GRIK4: variants seen among roughly 807,000 people sequenced by gnomAD.
GRIK4 encodes the protein glutamate ionotropic receptor kainate type subunit 4, also known as glutamate receptor ionotropic, kainate 4.
GRIK4 carries 40 observed loss-of-function variants against 104.9 expected under a neutral mutation model. The observed-to-expected ratio is 0.38, with a 90% confidence interval of 0.30 to 0.50. GRIK4 has a LOEUF of 0.50. GRIK4 is among the 20% of genes least tolerant of loss of function. GRIK4 has a pLI of 0.93. For missense variants in GRIK4, 1,047 were observed against 1,308.1 expected, an observed-to-expected ratio of 0.80 and a Z score of 3.08; for synonymous variants, 485 against 524.9, an observed-to-expected ratio of 0.92 and a Z score of 1.04.
chr11:120,529,046 C>T (rs1402271962), intron 1 of GRIK4, among the ~76,000 whole-genome samples: 1 of 152,202 alleles, frequency 6.6e-6, no homozygotes, highest in Non-Finnish European at 1.5e-5. Flanking sequence ...TCCACCTCCT[C>T]TCCTTCTCTT....
At chr11:120,836,516 G>C (rs1483155577) in intron 7 of GRIK4, among the ~76,000 whole-genome samples, 1 of 152,174 alleles carries the variant, frequency 6.6e-6, no homozygotes, top group African/African-American at 2.4e-5. Context: ...ATATCCATGG[G>C]AGTATGTTGT....
At chr11:120,954,046 G>T (rs1221349160) in intron 15 of GRIK4, among the ~76,000 whole-genome samples, 1 of 152,136 alleles carries the variant, frequency 6.6e-6, no homozygotes, top group Non-Finnish European at 1.5e-5. Context: ...GGTGGGTGGG[G>T]TCTTCCCCTA....
chr11:120,738,813 G>A (rs1264407062), intron 3 of GRIK4, among the ~76,000 whole-genome samples: 1 of 152,202 alleles, frequency 6.6e-6, no homozygotes, highest in East Asian at 1.9e-4. Context: ...TCTTGTTCGT[G>A]CCTTCCCTCT....
At position 120,986,227 on chromosome 11, in the gene GRIK4, G is replaced by A; in HGVS notation, c.2838G>A (p.Trp946Ter). ...SPARSEESLE[W>*]EKTTNSSEPE ...CCCGCAGCGAGGAGAGCCTGGAGTG[G>A]GAGAAAACCACCAACAGCAGCGAGC... Residue 946 changes from tryptophan (W) to a stop codon, truncating the protein, a stop_gained, in exon 21 of 21, where the codon TGG becomes TGA. Transcript: ENST00000527524. LOFTEE classifies it high-confidence loss of function. 6.4e-7 allele frequency: 1 copy of A among 1,573,140 alleles called. No homozygotes were observed. The highest frequency in any genetic ancestry group is 8.6e-7 in the Non-Finnish European group (1 of 1,169,294).
intron 1 of GRIK4, among the ~76,000 whole-genome samples, chr11:120,562,510 A>AG (rs1485673872): frequency 6.6e-6 from 1 of 152,156 alleles, no homozygotes; most frequent in Non-Finnish European, 1.5e-5. Flanking sequence ...AACCAGAGGA[A>AG]GAAGGGGAGT....
intron 19 of GRIK4, among the ~76,000 whole-genome samples, chr11:120,973,125 C>T (rs601817): frequency 0.77 from 117,609 of 152,124 alleles, 45,652 homozygotes; most frequent in Admixed American, 0.81. Context: ...AAATTCTCTA[C>T]GTTTTTGGCC....
intron 14 of GRIK4, among the ~76,000 whole-genome samples, chr11:120,948,695 A>G (rs2134676043): frequency 6.6e-6 from 1 of 152,326 alleles, no homozygotes; most frequent in East Asian, 1.9e-4. Flanking sequence ...GTAAGAGAGA[A>G]AGTATAGTAT....
intron 7 of GRIK4, among the ~76,000 whole-genome samples, 176 bp downstream of exon 7, chr11:120,832,206 C>T (rs1953449259): frequency 6.6e-6 from 1 of 152,136 alleles, no homozygotes; most frequent in African/African-American, 2.4e-5. Context: ...AAGAAGAAAG[C>T]AGGGTGAGGG....
chr11:120,860,776 G>A (rs1050642255), intron 8 of GRIK4, among the ~76,000 whole-genome samples: 4 of 152,122 alleles, frequency 2.6e-5, no homozygotes, highest in African/African-American at 4.8e-5. Flanking sequence ...CACCCTACCC[G>A]CAAACCTTCA....
intron 1 of GRIK4, among the ~76,000 whole-genome samples, chr11:120,631,486 G>A (rs1021025804): frequency 2.6e-5 from 4 of 152,262 alleles, no homozygotes; most frequent in South Asian, 2.1e-4. Flanking sequence ...CCTCCGAGTC[G>A]ATGGGAGCCT....
intron 20 of GRIK4, among the ~76,000 whole-genome samples, chr11:120,983,606 C>T (rs1419630255): frequency 6.6e-6 from 1 of 152,122 alleles, no homozygotes; most frequent in Non-Finnish European, 1.5e-5. Context: ...TTCCTTTTGC[C>T]CACCCCTTAA....
chr11:120,518,898 A>G (rs1947762247), intron 1 of GRIK4, among the ~76,000 whole-genome samples: 1 of 152,224 alleles, frequency 6.6e-6, no homozygotes, highest in Non-Finnish European at 1.5e-5. Flanking sequence ...CATTATAGGC[A>G]TGAGCCACTG....
At chr11:120,932,338 G>A (rs919806061) in intron 13 of GRIK4, among the ~76,000 whole-genome samples, 5 of 152,240 alleles carry the variant, frequency 3.3e-5, no homozygotes, top group Admixed American at 2.0e-4. Flanking sequence ...CATTAGAGAG[G>A]AGGAAACAGG....
intron 3 of GRIK4, among the ~76,000 whole-genome samples, chr11:120,673,069 C>T (rs1950046346): frequency 1.3e-5 from 2 of 152,122 alleles, no homozygotes; most frequent in South Asian, 4.1e-4. Context: ...AGACCATCCT[C>T]TATCCCCTCC....
intron 3 of GRIK4, among the ~76,000 whole-genome samples, chr11:120,724,420 C>T (rs915323624): frequency 1.3e-5 from 2 of 152,184 alleles, no homozygotes; most frequent in Non-Finnish European, 2.9e-5. Context: ...TCCTGGTGAC[C>T]ATGAATAAGG....
At chr11:120,519,377 C>T (rs183675688) in intron 1 of GRIK4, among the ~76,000 whole-genome samples, 3 of 152,278 alleles carry the variant, frequency 2.0e-5, no homozygotes, top group Admixed American at 1.3e-4. Flanking sequence ...AGAGCCCTCA[C>T]GAATGGGATT....
intron 3 of GRIK4, among the ~76,000 whole-genome samples, chr11:120,711,516 G>T (rs1950734841): frequency 6.6e-6 from 1 of 152,138 alleles, no homozygotes; most frequent in South Asian, 2.1e-4. Flanking sequence ...TCTTCAAGGG[G>T]TGTCTCTCAG....
chr11:120,951,072 C>G (rs1285511845), intron 14 of GRIK4, among the ~76,000 whole-genome samples: 1 of 152,186 alleles, frequency 6.6e-6, no homozygotes, highest in African/African-American at 2.4e-5. Flanking sequence ...AGATAGATCA[C>G]GTGAGAGGTC....
chr11:120,927,525 C>T (rs1304866966), intron 13 of GRIK4, among the ~76,000 whole-genome samples: 1 of 133,344 alleles, frequency 7.5e-6, no homozygotes, highest in African/African-American at 2.8e-5. Context: ...CACATCACAT[C>T]ACTGCCCTCC....
Sources: gnomAD v4.1 joint callset for allele counts (sites outside exome capture counted in the v4.1 genomes callset) on GRCh38, gnomAD v4.1.1 for gene constraint, MANE v1.5 for transcripts, NCBI Gene and HGNC (gene_info 2026-07-23, HGNC 2026-07-21) for gene names.